ZFAT: variants seen among roughly 807,000 people sequenced by gnomAD.
ZFAT encodes the protein zinc finger protein ZFAT.
In ZFAT, 64 loss-of-function variants were observed where a neutral mutation model predicts 117.7. The ratio of observed to expected loss-of-function variants is 0.54; its 90% confidence interval spans 0.44 to 0.67. ZFAT has a LOEUF of 0.67. Among genes scored for constraint, ZFAT ranks in the 30% least tolerant of loss-of-function variants. ZFAT has a pLI of 0.00. For missense variants in ZFAT, 1,433 were observed against 1,584.5 expected (o/e 0.90, Z 1.62); for synonymous variants, 679 against 615.0 (o/e 1.10, Z -1.54).
chr8:134,807,431 T>C, the ZFAT span, among the ~76,000 whole-genome samples: 3 of 138,352 alleles, frequency 2.2e-5, no homozygotes, highest in Non-Finnish European at 4.7e-5. Flanking sequence ...TTAAGATAAA[T>C]ATTCTGGAAA....
At chr8:134,697,852 A>T (rs1464361386) in intron 1 of ZFAT, among the ~76,000 whole-genome samples, 1 of 146,848 alleles carries the variant, frequency 6.8e-6, no homozygotes, top group Non-Finnish European at 1.5e-5. Context: ...AAGCGCTGGG[A>T]TTACAGGCGT....
the ZFAT span, among the ~76,000 whole-genome samples, chr8:134,755,235 C>G: frequency 7.2e-6 from 1 of 138,858 alleles, no homozygotes; most frequent in South Asian, 2.4e-4. Context: ...GAAACCCCGT[C>G]TCTACTAAAA....
the ZFAT span, among the ~76,000 whole-genome samples, chr8:134,782,288 T>C: frequency 6.6e-6 from 1 of 152,242 alleles, no homozygotes; most frequent in South Asian, 2.1e-4. Context: ...TTGATGTCTC[T>C]AAAATGTACA....
intron 2 of ZFAT, among the ~76,000 whole-genome samples, chr8:134,651,970 T>C (rs1831271794): frequency 6.7e-6 from 1 of 149,530 alleles, no homozygotes. Context: ...TGTGCTGAAA[T>C]GAAAAAAAAA....
At chr8:134,544,183 T>C (rs1421126431) in intron 11 of ZFAT, among the ~76,000 whole-genome samples, 1 of 152,118 alleles carries the variant, frequency 6.6e-6, no homozygotes, top group African/African-American at 2.4e-5. Context: ...CCCGCTATGG[T>C]GTAACTGCCA....
chr8:134,641,578 CTGAT>C (rs1159086551), intron 2 of ZFAT, among the ~76,000 whole-genome samples: 5 of 152,182 alleles, frequency 3.3e-5, no homozygotes, highest in Non-Finnish European at 7.3e-5. Context: ...ACACCACTCC[CTGAT>C]TGTTTCGATT....
At chr8:134,523,165 T>C (rs1820784118) in intron 12 of ZFAT, among the ~76,000 whole-genome samples, 1 of 152,188 alleles carries the variant, frequency 6.6e-6, no homozygotes, top group Non-Finnish European at 1.5e-5. Flanking sequence ...TGGGTGCAAG[T>C]ACCACTCCAC....
At chr8:134,733,424 A>C in the ZFAT span, among the ~76,000 whole-genome samples, 1 of 152,180 alleles carries the variant, frequency 6.6e-6, no homozygotes, top group Non-Finnish European at 1.5e-5. Context: ...GTTCCTGAGA[A>C]AGTTTCCTGC....
At chr8:134,743,778 C>A in the ZFAT span, among the ~76,000 whole-genome samples, 2 of 152,166 alleles carry the variant, frequency 1.3e-5, no homozygotes, top group African/African-American at 4.8e-5. Flanking sequence ...ACCAGCCTGC[C>A]CAGTCACAGC....
At chr8:134,816,954 C>G in the ZFAT span, among the ~76,000 whole-genome samples, 2 of 148,472 alleles carry the variant, frequency 1.3e-5, no homozygotes, top group Non-Finnish European at 3.0e-5. Context: ...GCACTCCTGC[C>G]TGGGTGACAG....
chr8:134,729,569 G>A, the ZFAT span, among the ~76,000 whole-genome samples: 3 of 152,276 alleles, frequency 2.0e-5, no homozygotes, highest in South Asian at 6.2e-4. Flanking sequence ...TCCTGACCTT[G>A]TGATCCACCC....
chr8:134,716,712 T>C (rs1563784082), upstream of ZFAT, among the ~76,000 whole-genome samples: 1 of 152,256 alleles, frequency 6.6e-6, no homozygotes, highest in East Asian at 1.9e-4. Context: ...TGGTTGTTGA[T>C]CTACAAGTTG....
chr8:134,704,032 T>C (rs1043617973), intron 1 of ZFAT, among the ~76,000 whole-genome samples: 4 of 152,110 alleles, frequency 2.6e-5, no homozygotes, highest in African/African-American at 9.7e-5. Context: ...TCATGTAATA[T>C]ATAATATAGG....
the ZFAT span, among the ~76,000 whole-genome samples, chr8:134,744,083 C>T: frequency 7.3e-3 from 1,107 of 152,210 alleles, 14 homozygotes; most frequent in African/African-American, 0.025. Flanking sequence ...GTCAGAAGTC[C>T]GGGCATGAGT....
intron 13 of ZFAT, among the ~76,000 whole-genome samples, chr8:134,515,936 C>A (rs1820221375): frequency 6.6e-6 from 1 of 152,214 alleles, no homozygotes; most frequent in Admixed American, 6.5e-5. Context: ...AAAAACTTTA[C>A]AATAAATCCT....
chr8:134,589,674 C>T (rs1454903373), intron 8 of ZFAT, among the ~76,000 whole-genome samples: 1 of 152,162 alleles, frequency 6.6e-6, no homozygotes, highest in Non-Finnish European at 1.5e-5. Context: ...GGGGTGGACC[C>T]TCGGCCAGGC....
intron 7 of ZFAT, among the ~76,000 whole-genome samples, chr8:134,595,910 G>T (rs1460607490): frequency 6.6e-6 from 1 of 152,250 alleles, no homozygotes; most frequent in Non-Finnish European, 1.5e-5. Context: ...TGAAGGGCAG[G>T]TGGGAGAGAT....
chr8:134,652,268 A>T (rs1831291244), intron 2 of ZFAT, among the ~76,000 whole-genome samples: 1 of 152,246 alleles, frequency 6.6e-6, no homozygotes, highest in Admixed American at 6.5e-5. Flanking sequence ...CTCTGTCTCA[A>T]AATAATAATA....
At chr8:134,756,522 G>A in the ZFAT span, among the ~76,000 whole-genome samples, 1 of 152,192 alleles carries the variant, frequency 6.6e-6, no homozygotes, top group East Asian at 1.9e-4. Context: ...AGAGTGAAAC[G>A]CTCATGTGCA....
Sources: gnomAD v4.1 joint callset for allele counts (sites outside exome capture counted in the v4.1 genomes callset) on GRCh38, gnomAD v4.1.1 for gene constraint, MANE v1.5 for transcripts, NCBI Gene and HGNC (gene_info 2026-07-23, HGNC 2026-07-21) for gene names.